CCSER1: variants seen among roughly 807,000 people sequenced by gnomAD.
The protein encoded by CCSER1 is coiled-coil serine rich protein 1, also known as serine-rich coiled-coil domain-containing protein 1.
A neutral mutation model predicts 82.0 loss-of-function variants in CCSER1; 41 were observed. The observed-to-expected ratio is 0.50, with a 90% CI of 0.39 to 0.65. The LOEUF (loss-of-function observed/expected upper bound fraction) is 0.65. Among genes scored for constraint, CCSER1 ranks in the 30% least tolerant of loss-of-function variants. The pLI is 0.00. For missense variants in CCSER1, 1,119 were observed against 1,064.2 expected (o/e 1.05, Z -0.72); for synonymous variants, 414 against 383.9 (o/e 1.08, Z -0.92).
At chr4:90,970,977 A>G (rs1735048943) in intron 9 of CCSER1, among the ~76,000 whole-genome samples, 1 of 151,970 alleles carries the variant, frequency 6.6e-6, no homozygotes, top group Non-Finnish European at 1.5e-5. Context: ...AAAGGCCTCA[A>G]ATAAACCACC....
At chr4:90,932,970 GAAAGAAAGAAAGAGAAAGAAAGAA>G (rs1730188017) in intron 9 of CCSER1, among the ~76,000 whole-genome samples, 15 of 31,944 alleles carry the variant, frequency 4.7e-4, no homozygotes, top group Non-Finnish European at 6.0e-4. Context: ...AAGAAAGAAA[GAAAGAAAGAAAGAGAAAGAAAGAA>G]AGAAAGAAAG....
At chr4:90,443,248 A>G (rs1760163565) in intron 4 of CCSER1, among the ~76,000 whole-genome samples, 1 of 152,110 alleles carries the variant, frequency 6.6e-6, no homozygotes, top group Non-Finnish European at 1.5e-5. Context: ...TAAAGGGAGC[A>G]CTTTACAGCT....
intron 10 of CCSER1, among the ~76,000 whole-genome samples, chr4:91,170,507 A>C (rs1173662712): frequency 6.6e-6 from 1 of 152,172 alleles, no homozygotes; most frequent in Non-Finnish European, 1.5e-5. Flanking sequence ...AAAGGGAGAT[A>C]AGTGTGACTG....
At chr4:90,541,274 G>A (rs72885079) in intron 5 of CCSER1, among the ~76,000 whole-genome samples, 71,888 of 151,916 alleles carry the variant, frequency 0.47, 21,502 homozygotes, top group African/African-American at 0.86. Flanking sequence ...AAAGCCAAAT[G>A]TAAGAGAGAA....
chr4:90,845,807 G>GAAA (rs34846300), intron 8 of CCSER1, among the ~76,000 whole-genome samples: 15 of 141,482 alleles, frequency 1.1e-4, no homozygotes, highest in African/African-American at 2.9e-4. Context: ...TTTCAACTGT[G>GAAA]AAAAAAAAAA....
intron 5 of CCSER1, among the ~76,000 whole-genome samples, chr4:90,535,173 C>G (rs1029680312): frequency 6.6e-6 from 1 of 151,880 alleles, no homozygotes; most frequent in Admixed American, 6.6e-5. Context: ...AAATAGATAT[C>G]TAGAACCTAT....
intron 1 of CCSER1, among the ~76,000 whole-genome samples, chr4:90,265,308 AAT>A (rs1725045046): frequency 6.6e-6 from 1 of 151,786 alleles, no homozygotes; most frequent in African/African-American, 2.4e-5. Flanking sequence ...TTTAGAATAA[AAT>A]ATATTTGTAT....
At chr4:90,336,482 G>A (rs1740421738) in intron 3 of CCSER1, among the ~76,000 whole-genome samples, 1 of 152,150 alleles carries the variant, frequency 6.6e-6, no homozygotes, top group Non-Finnish European at 1.5e-5. Flanking sequence ...GTTTTCACCT[G>A]TCTTCTTCCT....
At chr4:90,184,117 G>A (rs1734186565) in intron 1 of CCSER1, among the ~76,000 whole-genome samples, 1 of 152,080 alleles carries the variant, frequency 6.6e-6, no homozygotes, top group Admixed American at 6.6e-5. Context: ...GTGAATATAT[G>A]TCTTGAAACC....
intron 10 of CCSER1, among the ~76,000 whole-genome samples, chr4:91,405,102 A>T (rs1752610310): frequency 6.6e-6 from 1 of 152,146 alleles, no homozygotes; most frequent in Non-Finnish European, 1.5e-5. Context: ...ATATATATTT[A>T]GGATAGTTAG....
intron 4 of CCSER1, among the ~76,000 whole-genome samples, chr4:90,409,040 A>G (rs2153552574): frequency 6.6e-6 from 1 of 152,354 alleles, no homozygotes; most frequent in East Asian, 1.9e-4. Context: ...GTGATGGAAG[A>G]CAAAATGAAT....
intron 5 of CCSER1, among the ~76,000 whole-genome samples, chr4:90,489,956 A>AT (rs1767716397): frequency 6.6e-6 from 1 of 152,134 alleles, no homozygotes; most frequent in Non-Finnish European, 1.5e-5. Context: ...AGTCTTTGCT[A>AT]TTTTGAATAG....
chr4:91,074,152 G>C (rs1212773434), intron 9 of CCSER1, among the ~76,000 whole-genome samples: 3 of 152,148 alleles, frequency 2.0e-5, no homozygotes, highest in Non-Finnish European at 4.4e-5. Flanking sequence ...AAAGAGATCA[G>C]TTCAAAAACA....
At chr4:90,352,593 C>T (rs934447555) in intron 3 of CCSER1, among the ~76,000 whole-genome samples, 2 of 151,422 alleles carry the variant, frequency 1.3e-5, no homozygotes, top group Admixed American at 1.3e-4. Context: ...ACCCAGGAGG[C>T]AAAGGGTGCA....
At chr4:90,448,444 A>AATATATATATATAT (rs70963067) in intron 4 of CCSER1, among the ~76,000 whole-genome samples, 9 of 44,094 alleles carry the variant, frequency 2.0e-4, no homozygotes, top group Non-Finnish European at 2.6e-4. Flanking sequence ...AGGTGAATTG[A>AATATATATATATAT]ATATATATAT....
chr4:91,382,177 C>T (rs1226983252), intron 10 of CCSER1, among the ~76,000 whole-genome samples: 1 of 152,178 alleles, frequency 6.6e-6, no homozygotes. Context: ...CTGGGGGGTT[C>T]CTCCCAGTTA....
chr4:90,292,485 A>G (rs1331947175), intron 1 of CCSER1, among the ~76,000 whole-genome samples: 4 of 151,960 alleles, frequency 2.6e-5, no homozygotes, highest in African/African-American at 9.7e-5. Context: ...AGTGTTATTA[A>G]TGAATGTGAT....
intron 10 of CCSER1, among the ~76,000 whole-genome samples, chr4:91,287,234 AT>A (rs895024091): frequency 8.7e-4 from 132 of 152,082 alleles, no homozygotes; most frequent in African/African-American, 3.2e-3. Context: ...TTTACTGAAA[AT>A]AATACTAACC....
intron 8 of CCSER1, among the ~76,000 whole-genome samples, chr4:90,840,751 C>T (rs1762473192): frequency 6.6e-6 from 1 of 151,934 alleles, no homozygotes; most frequent in Non-Finnish European, 1.5e-5. Context: ...AAGCTCCTTA[C>T]TCTTTTTTTT....
Sources: gnomAD v4.1 joint callset for allele counts (sites outside exome capture counted in the v4.1 genomes callset) on GRCh38, gnomAD v4.1.1 for gene constraint, MANE v1.5 for transcripts, NCBI Gene and HGNC (gene_info 2026-07-23, HGNC 2026-07-21) for gene names.